Variants in FAM107B observed in about 807,000 individuals in gnomAD.
FAM107B encodes the protein protein FAM107B.
In FAM107B, 21 loss-of-function variants were observed where a neutral mutation model predicts 31.5. That is an observed-to-expected ratio of 0.67 (90% CI 0.47 to 0.96). The LOEUF is 0.96. Among genes scored for constraint, FAM107B ranks in the 40% least tolerant of loss-of-function variants. The pLI, the probability that FAM107B is intolerant of heterozygous loss-of-function variation, is 0.00. For missense variants in FAM107B, 452 were observed against 377.1 expected, an observed-to-expected ratio of 1.20 and a Z score of -1.64; for synonymous variants, 157 against 141.5, an observed-to-expected ratio of 1.11 and a Z score of -0.78.
intron 2 of FAM107B, among the ~76,000 whole-genome samples, chr10:14,665,095 T>C (rs967201060): frequency 6.6e-6 from 1 of 152,240 alleles, no homozygotes; most frequent in Non-Finnish European, 1.5e-5. Flanking sequence ...ACAGCATTTT[T>C]AGGTGTTTTT....
chr10:14,717,601 C>G (rs142247910), intron 1 of FAM107B, among the ~76,000 whole-genome samples: 2 of 152,104 alleles, frequency 1.3e-5, no homozygotes, highest in East Asian at 3.9e-4. Flanking sequence ...AGAGAGAGTG[C>G]GAGAGACTCA....
intron 1 of FAM107B, among the ~76,000 whole-genome samples, chr10:14,694,715 G>A (rs1432299464): frequency 6.6e-6 from 1 of 152,132 alleles, no homozygotes; most frequent in African/African-American, 2.4e-5. Context: ...ATGGATGTGA[G>A]GTGAAATTTC....
At chr10:14,672,475 G>T (rs1199973412) in intron 1 of FAM107B, among the ~76,000 whole-genome samples, 1 of 152,218 alleles carries the variant, frequency 6.6e-6, no homozygotes, top group African/African-American at 2.4e-5. Flanking sequence ...CAAACAAATG[G>T]ACTTTTCATT....
chr10:14,617,661 C>G (rs1852887862), intron 2 of FAM107B, among the ~76,000 whole-genome samples: 1 of 150,876 alleles, frequency 6.6e-6, no homozygotes, highest in African/African-American at 2.4e-5. Flanking sequence ...GCAAGCTGTC[C>G]TGGTAGGGAA....
At position 14,578,805 on chromosome 10, in the gene FAM107B, C is replaced by A. The variant is rs551423130; in HGVS notation, c.470-48290G>T. On this transcript the variant is annotated intron_variant, in intron 2 of 4. Transcript: ENST00000181796. ...AGTATGCATACCATTCCTGGCAAAT[C>A]ATTGTTGGGAACAAACAATGACGAT... Among the ~76,000 whole-genome samples, 5 of 152,300 alleles carry A rather than the reference C, an allele frequency of 3.3e-5. No homozygotes were observed. The East Asian group carries it at 9.7e-4, about 29-fold the overall frequency.
At chr10:14,738,227 G>C (rs1856354752) in intron 1 of FAM107B, among the ~76,000 whole-genome samples, 1 of 152,208 alleles carries the variant, frequency 6.6e-6, no homozygotes, top group South Asian at 2.1e-4. Context: ...TGTGACACCA[G>C]GGTGCAGGTT....
intron 1 of FAM107B, among the ~76,000 whole-genome samples, chr10:14,680,356 C>T (rs1326046676): frequency 6.6e-6 from 1 of 151,978 alleles, no homozygotes. Context: ...GGCACATCAC[C>T]TGAGGTCAGG....
At chr10:14,691,375 G>A (rs1222697840) in intron 1 of FAM107B, among the ~76,000 whole-genome samples, 2 of 152,198 alleles carry the variant, frequency 1.3e-5, no homozygotes, top group African/African-American at 2.4e-5. Context: ...ACATGATCAA[G>A]TGCCAGTTCT....
At chr10:14,628,112 G>GGTTTTTTTTGTTTTTTTTTT (rs1440347763) in intron 2 of FAM107B, among the ~76,000 whole-genome samples, 3 of 92,676 alleles carry the variant, frequency 3.2e-5, no homozygotes, top group South Asian at 4.5e-4. Flanking sequence ...TGTTTTGCTG[G>GGTTTTTTTTGTTTTTTTTTT]TTTTTTTTTT....
At chr10:14,619,963 T>C (rs1852962183) in intron 2 of FAM107B, among the ~76,000 whole-genome samples, 2 of 151,946 alleles carry the variant, frequency 1.3e-5, no homozygotes, top group Non-Finnish European at 2.9e-5. Flanking sequence ...GGTAGCTTTG[T>C]TGCAAATCAG....
At chr10:14,633,155 T>C (rs1853410775) in intron 2 of FAM107B, among the ~76,000 whole-genome samples, 1 of 148,400 alleles carries the variant, frequency 6.7e-6, no homozygotes, top group South Asian at 2.1e-4. Context: ...GCCAAGACTG[T>C]GCCACTGCAC....
chr10:14,766,539 C>T (rs1833165094), intron 1 of FAM107B, among the ~76,000 whole-genome samples: 1 of 151,972 alleles, frequency 6.6e-6, no homozygotes, highest in Admixed American at 6.6e-5. Flanking sequence ...TTGTGGGCCA[C>T]TGTAGGGATT....
chr10:14,559,748 T>C (rs1005521780), intron 2 of FAM107B, among the ~76,000 whole-genome samples: 1 of 151,410 alleles, frequency 6.6e-6, no homozygotes, highest in Non-Finnish European at 1.5e-5. Context: ...ATTTTTTTTT[T>C]TTTTTTGTAT....
intron 2 of FAM107B, among the ~76,000 whole-genome samples, chr10:14,662,356 C>A (rs1158170490): frequency 2.0e-5 from 3 of 148,636 alleles, no homozygotes; most frequent in Non-Finnish European, 4.4e-5. Context: ...GCAATTCTCC[C>A]TTCATCTGAC....
At chr10:14,558,553 G>T (rs561611809) in intron 2 of FAM107B, among the ~76,000 whole-genome samples, 3 of 152,156 alleles carry the variant, frequency 2.0e-5, no homozygotes, top group African/African-American at 7.2e-5. Flanking sequence ...AGAGAGTTGT[G>T]TGGAGAAGCC....
intron 2 of FAM107B, among the ~76,000 whole-genome samples, chr10:14,550,517 G>A (rs903730488): frequency 2.0e-5 from 3 of 152,146 alleles, no homozygotes; most frequent in Non-Finnish European, 4.4e-5. Context: ...ACACACCATC[G>A]AGGGATTTAA....
chr10:14,696,114 T>G (rs536566886), intron 1 of FAM107B, among the ~76,000 whole-genome samples: 2 of 152,286 alleles, frequency 1.3e-5, no homozygotes, highest in South Asian at 2.1e-4. Context: ...TAGCTGTGGG[T>G]TTTTCCTAGA....
At chr10:14,661,481 G>C (rs1854238312) in intron 2 of FAM107B, 1 of 152,224 alleles carries the variant, frequency 6.6e-6, no homozygotes, top group Non-Finnish European at 1.5e-5. Context: ...TCTTCTTTCT[G>C]TGTGACTGAT....
chr10:14,562,721 G>A (rs1184344121), intron 2 of FAM107B, among the ~76,000 whole-genome samples: 2 of 152,160 alleles, frequency 1.3e-5, no homozygotes, highest in Non-Finnish European at 1.5e-5. Flanking sequence ...CCCCAGATGT[G>A]AGCTGCCCTT....
Sources: allele counts gnomAD v4.1 joint callset (sites outside exome capture counted in the v4.1 genomes callset), GRCh38; gene constraint gnomAD v4.1.1; transcripts MANE v1.5; gene names NCBI Gene and HGNC (gene_info 2026-07-23, HGNC 2026-07-21).